The following EVI5 variants were observed in gnomAD, a reference collection of about 807,000 sequenced individuals.
EVI5 encodes the protein ecotropic viral integration site 5 protein homolog.
Under a neutral mutation model 112.0 loss-of-function variants are expected in EVI5, and 73 were observed. The observed-to-expected ratio is 0.65, with a 90% CI of 0.54 to 0.79. The LOEUF is 0.79. EVI5 is among the 30% of genes least tolerant of loss of function. The pLI is 0.00. For missense variants in EVI5, 900 were observed against 968.8 expected (o/e 0.93, Z 0.94); for synonymous variants, 305 against 319.9 (o/e 0.95, Z 0.50).
At chr1:92,705,357 G>A (rs568091755) in intron 2 of EVI5, among the ~76,000 whole-genome samples, 1 of 152,248 alleles carries the variant, frequency 6.6e-6, no homozygotes, top group African/African-American at 2.4e-5. Flanking sequence ...TATAATTCTA[G>A]ATTCTCTTGA....
At chr1:92,604,402 C>A (rs1321084998) in intron 18 of EVI5, among the ~76,000 whole-genome samples, 3 of 151,528 alleles carry the variant, frequency 2.0e-5, no homozygotes, top group Non-Finnish European at 4.4e-5. Context: ...AAGATATTAG[C>A]TTAGGCCTAC....
intron 16 of EVI5, among the ~76,000 whole-genome samples, chr1:92,618,476 C>T (rs1653738466): frequency 6.6e-6 from 1 of 152,214 alleles, no homozygotes; most frequent in African/African-American, 2.4e-5. Context: ...AAGATGAAAT[C>T]AGTCTGCTAA....
At chr1:92,617,871 T>G (rs1306909084) in intron 16 of EVI5, among the ~76,000 whole-genome samples, 1 of 152,218 alleles carries the variant, frequency 6.6e-6, no homozygotes, top group Non-Finnish European at 1.5e-5. Context: ...CCACCATCTG[T>G]GCACTCACGG....
intron 18 of EVI5, among the ~76,000 whole-genome samples, chr1:92,575,500 T>C (rs1402822651): frequency 6.6e-6 from 1 of 151,728 alleles, no homozygotes; most frequent in Non-Finnish European, 1.5e-5. Flanking sequence ...CCAAGGTTCA[T>C]GGTTACATTT....
chr1:92,519,614 C>A (rs77843261), intron 19 of EVI5, among the ~76,000 whole-genome samples: 1 of 151,948 alleles, frequency 6.6e-6, no homozygotes, highest in Non-Finnish European at 1.5e-5. Context: ...TTAAGTTGGC[C>A]GGGTGCAGTG....
intron 19 of EVI5, among the ~76,000 whole-genome samples, chr1:92,530,641 C>A (rs551960290): frequency 3.3e-5 from 5 of 151,912 alleles, no homozygotes; most frequent in Non-Finnish European, 7.4e-5. Flanking sequence ...GATACCCAGG[C>A]AAACAGGGTC....
intron 13 of EVI5, among the ~76,000 whole-genome samples, chr1:92,644,512 C>T (rs775623465): frequency 2.0e-5 from 3 of 152,130 alleles, no homozygotes; most frequent in Admixed American, 6.5e-5. Flanking sequence ...CTGATTTCTA[C>T]ACTTTTTATT....
intron 1 of EVI5, among the ~76,000 whole-genome samples, chr1:92,748,043 T>C (rs1679574254): frequency 6.6e-6 from 1 of 152,172 alleles, no homozygotes; most frequent in Admixed American, 6.5e-5. Context: ...GGTACTGTGA[T>C]AGCTGGACTT....
chr1:92,784,346 G>GGCACATCTGTCTT (rs1490514645), intron 1 of EVI5: 16 of 985,238 alleles, frequency 1.6e-5, no homozygotes, highest in Non-Finnish European at 1.2e-5. Context: ...TTCTGGACCT[G>GGCACATCTGTCTT]GCACATCTGT....
At chr1:92,728,688 A>T (rs1018759354) in intron 2 of EVI5, among the ~76,000 whole-genome samples, 10 of 152,192 alleles carry the variant, frequency 6.6e-5, no homozygotes, top group African/African-American at 2.4e-4. Flanking sequence ...GGGCCCAGCG[A>T]ATCATGGTTT....
intron 19 of EVI5, among the ~76,000 whole-genome samples, chr1:92,555,807 G>T (rs7541942): frequency 0.58 from 84,593 of 145,152 alleles, 25,986 homozygotes; most frequent in East Asian, 0.92. Context: ...CCGAGACTGT[G>T]CCACTGCAAT....
At chr1:92,557,490 G>A (rs2100827413) in intron 19 of EVI5, among the ~76,000 whole-genome samples, 2 of 151,756 alleles carry the variant, frequency 1.3e-5, no homozygotes, top group Non-Finnish European at 2.9e-5. Flanking sequence ...GTAGAGACGG[G>A]GTTTAGCCAT....
intron 1 of EVI5, among the ~76,000 whole-genome samples, chr1:92,770,523 G>A (rs1389607390): frequency 1.1e-4 from 16 of 152,168 alleles, no homozygotes; most frequent in Admixed American, 9.8e-4. Flanking sequence ...AGGCGAGGTG[G>A]CTCACGCCTG....
intron 1 of EVI5, among the ~76,000 whole-genome samples, chr1:92,743,883 A>G (rs1326704306): frequency 6.6e-6 from 1 of 151,848 alleles, no homozygotes; most frequent in African/African-American, 2.4e-5. Context: ...TATTTATTTT[A>G]TTCTGCTTGC....
chr1:92,663,357 T>C, intron 12 of EVI5, 63 bp downstream of exon 12: 2 of 796,662 alleles, frequency 2.5e-6, no homozygotes, highest in Non-Finnish European at 3.8e-6. Flanking sequence ...TTTCGAGGTT[T>C]AGGACTTTCC....
chr1:92,728,386 TC>T (rs1675938273), intron 2 of EVI5, among the ~76,000 whole-genome samples: 1 of 34,528 alleles, frequency 2.9e-5, no homozygotes, highest in South Asian at 2.5e-3. Context: ...TTCTTTTTTT[TC>T]TTTTTTTTTT....
intron 2 of EVI5, among the ~76,000 whole-genome samples, chr1:92,731,015 G>GA (rs1252073356): frequency 1.3e-5 from 2 of 152,126 alleles, no homozygotes; most frequent in East Asian, 3.9e-4. Flanking sequence ...CAGGATACAT[G>GA]AATCAATATA....
At chr1:92,660,402 G>C (rs543851048) in intron 13 of EVI5, among the ~76,000 whole-genome samples, 86 of 152,128 alleles carry the variant, frequency 5.7e-4, no homozygotes, top group African/African-American at 2.1e-3. Flanking sequence ...GAATACAATA[G>C]TGGTTACTAG....
At chr1:92,548,530 C>A (rs534613444) in intron 19 of EVI5, among the ~76,000 whole-genome samples, 1 of 152,060 alleles carries the variant, frequency 6.6e-6, no homozygotes, top group Non-Finnish European at 1.5e-5. Flanking sequence ...AAAGGGTATT[C>A]AATTAGGAAA....
Sources: gnomAD v4.1 joint callset for allele counts (sites outside exome capture counted in the v4.1 genomes callset) on GRCh38, gnomAD v4.1.1 for gene constraint, MANE v1.5 for transcripts, NCBI Gene and HGNC (gene_info 2026-07-23, HGNC 2026-07-21) for gene names.